Variants in BTN2A1 observed in about 807,000 individuals in gnomAD.
BTN2A1 encodes butyrophilin, subfamily 2, member A1.
A neutral mutation model predicts 34.5 loss-of-function variants in BTN2A1; 41 were observed. The observed-to-expected ratio is 1.19, with a 90% CI of 0.93 to 1.54. BTN2A1 has a LOEUF of 1.54. Among genes scored for constraint, BTN2A1 ranks in the 40% most tolerant of loss-of-function variants. The pLI, the probability that BTN2A1 is intolerant of heterozygous loss-of-function variation, is 0.00. For missense variants in BTN2A1, 642 were observed against 662.0 expected (o/e 0.97, Z 0.33); for synonymous variants, 267 against 258.6 (o/e 1.03, Z -0.31).
exon 8 of BTN2A1, chr6:26,476,343 C>T (rs898190569): frequency 1.6e-5 from 12 of 764,018 alleles, no homozygotes; most frequent in African/African-American, 1.5e-4. Flanking sequence ...GACAGACTCA[C>T]ACCAGTATCT....
In BTN2A1 at chr6:26,468,606, C is replaced by A; in HGVS notation, c.*57C>A. On this transcript the variant is annotated 3_prime_UTR_variant, in exon 8 of 8. Coordinates refer to ENST00000312541, the MANE Select transcript of BTN2A1 (RefSeq NM_007049.5). ...CAAGCCCTGGTCATCTCAGCAGCCA[C>A]CGCACAACACCCCTGGTGGAAGACA... 6.2e-7 allele frequency: 1 copy of A among 1,614,178 alleles called. No individual in the cohort carries two copies. Among genetic ancestry groups the A allele is most frequent in the Non-Finnish European group, 8.5e-7 (1 of 1,180,032 alleles).
At chr6:26,461,736 T>C (rs1763168828) in intron 3 of BTN2A1, among the ~76,000 whole-genome samples, 1 of 151,922 alleles carries the variant, frequency 6.6e-6, no homozygotes, top group South Asian at 2.1e-4. Flanking sequence ...TGAGCTGAGA[T>C]CCTACCATTT....
chr6:26,465,350 C>T lies in BTN2A1; in HGVS notation c.878C>T (p.Ala293Val). Residue 293 changes from alanine (A) to valine (V), a missense_variant, in exon 5 of 8, where the codon GCT becomes GTT. Physicochemically the swap from Ala to Val is moderately conservative, Grantham distance 64. Coordinates refer to ENST00000312541, the MANE Select transcript of BTN2A1 (RefSeq NM_007049.5). ...TTTGAACGGGAAACAAGAGAAATTG[C>T]TCTAAAGGAACTGGAGAAAGAACGT... ...KEFERETREI[A>V]LKELEKERVQ... 6.2e-7 allele frequency: 1 copy of T among 1,614,036 alleles called. No individual in the cohort carries two copies. The highest frequency in any genetic ancestry group is 8.5e-7 in the Non-Finnish European group (1 of 1,180,008).
At chr6:26,466,610 A>C (rs1330377258) in intron 7 of BTN2A1, among the ~76,000 whole-genome samples, 1 of 152,120 alleles carries the variant, frequency 6.6e-6, no homozygotes, top group East Asian at 1.9e-4. Context: ...CTGCCGTGGG[A>C]GGGATTTCAG....
chr6:26,459,564 G>A lies in BTN2A1; in HGVS notation c.166G>A (p.Glu56Lys), dbSNP rs773306990. The change falls in exon 3 of 8, where the codon GAG (glutamate) becomes AAG (lysine). Residue 56 changes from glutamate (E) to lysine (K), a missense_variant. By Grantham distance (56) the Glu-to-Lys change is moderately conservative (BLOSUM62 1). Transcript: ENST00000312541. ...TACGTTACGCTGCCATCTGTCACCC[G>A]AGAAAAATGCTGAGGACATGGAGGT... is the stretch of plus-strand genomic sequence containing the variant. ...NTTLRCHLSP[E>K]KNAEDMEVRW... 8.1e-6 allele frequency: 13 copies of A among 1,613,926 alleles called. No individual in the cohort carries two copies. Among genetic ancestry groups the A allele is most frequent in the South Asian group, 3.3e-5 (3 of 91,086 alleles).
At position 26,468,608 on chromosome 6, in the gene BTN2A1, G is replaced by T. The variant is rs1424145253; in HGVS notation, c.*59G>T. On this transcript the variant is annotated 3_prime_UTR_variant, in exon 8 of 8. Transcript: ENST00000312541. ...AGCCCTGGTCATCTCAGCAGCCACC[G>T]CACAACACCCCTGGTGGAAGACACG... 1.2e-6 allele frequency: 2 copies of T among 1,614,092 alleles called. No individual in the cohort carries two copies. The highest frequency in any genetic ancestry group is 1.7e-6 in the Non-Finnish European group (2 of 1,180,022).
In BTN2A1 at chr6:26,469,487, A is replaced by G. The variant is rs1020970107; in HGVS notation, c.*938A>G. 2 of 245,132 alleles carry G rather than the reference A, an allele frequency of 8.2e-6. No homozygotes were observed. Among genetic ancestry groups the G allele is most frequent in the African/African-American group, 4.6e-5 (2 of 43,068 alleles). The allele number at this position is 245,132 out of a possible 1,614,324, so 15.2% of individuals were successfully genotyped here. ...AATGTTTTAATTTATTACCTTTACA[A>G]CATTTATTTACATTACATACATACA... On this transcript the variant is annotated 3_prime_UTR_variant, in exon 8 of 8. Transcript: ENST00000312541.
intron 7 of BTN2A1, among the ~76,000 whole-genome samples, chr6:26,474,999 G>A (rs2113873113): frequency 1.3e-5 from 2 of 152,246 alleles, no homozygotes; most frequent in Non-Finnish European, 1.5e-5. Context: ...CTGACCTCAA[G>A]TGATCCACCC....
downstream of BTN2A1, among the ~76,000 whole-genome samples, chr6:26,473,868 G>A (rs1023321524): frequency 3.3e-5 from 5 of 152,024 alleles, no homozygotes. Flanking sequence ...ATTCAATATC[G>A]TTTCAGTTTT....
intron 3 of BTN2A1, 70 bp downstream of exon 3, chr6:26,459,898 C>G: frequency 6.8e-7 from 1 of 1,464,182 alleles, no homozygotes; most frequent in African/African-American, 1.4e-5. Context: ...CTCCTAACCT[C>G]AGGCCCATTG....
rs754474063 is a variant in BTN2A1, at chr6:26,458,276, CTT to C, written c.-31+136_-31+137del. The C allele has an allele frequency of 2.3e-4, 56 of 241,764 alleles. 2 individuals are homozygous for C. Among genetic ancestry groups the C allele is most frequent in the East Asian group, 2.0e-3 (17 of 8,652 alleles). The allele number at this position is 241,764 out of a possible 1,614,324, so 15.0% of individuals were successfully genotyped here. On this transcript the variant is annotated intron_variant, in intron 1 of 7. Coordinates refer to ENST00000312541, the MANE Select transcript of BTN2A1 (RefSeq NM_007049.5). Reference sequence around the variant, plus strand: ...GGTGGGGAGGCGCGGCCTCGCCTGTCTTTGCCTCAGGCTGCCCGGCCTGGGTC... The same window carrying C: ...GGTGGGGAGGCGCGGCCTCGCCTGTCTGCCTCAGGCTGCCCGGCCTGGGTC...
Position 26,459,467 on chromosome 6 carries a change from C to G in BTN2A1, c.83-14C>G, listed in dbSNP as rs745803541. ...GCTGGTGTCTTTGTCTGACTCTACC[C>G]CTTTGTTGAACAGCCCAGTTTATTG... On this transcript the variant is annotated splice_polypyrimidine_tract_variant and intron_variant, in intron 2 of 7. Transcript: ENST00000312541. The G allele has an allele frequency of 1.9e-6, 3 of 1,611,306 alleles. No homozygotes were observed. The highest frequency in any genetic ancestry group is 4.5e-5 in the East Asian group (2 of 44,834).
chr6:26,467,644 A>G (rs1351836353), intron 7 of BTN2A1: 11 of 1,437,972 alleles, frequency 7.6e-6, no homozygotes, highest in Non-Finnish European at 8.5e-6. Flanking sequence ...AAAAGGGAAC[A>G]CATCTTAGAA....
At chr6:26,467,454 G>A (rs1012014194) in intron 7 of BTN2A1, among the ~76,000 whole-genome samples, 3 of 152,140 alleles carry the variant, frequency 2.0e-5, no homozygotes, top group African/African-American at 7.2e-5. Context: ...TGGGATTACA[G>A]GTGTGCACCA....
In BTN2A1 at chr6:26,469,315, A is replaced by C; in HGVS notation, c.*766A>C. 2.0e-6 allele frequency: 2 copies of C among 987,970 alleles called. No individual in the cohort carries two copies. The highest frequency in any genetic ancestry group is 2.4e-6 in the Non-Finnish European group (2 of 831,488). 61.2% of individuals were successfully genotyped at this position (987,970 alleles called of 1,614,324 possible). ...ATGGACCAGATCTACCTCAGTATTC[A>C]AGTTCAGTGGGGACACCAGTGGCTT... On this transcript the variant is annotated 3_prime_UTR_variant, in exon 8 of 8. Transcript: ENST00000312541.
chr6:26,470,820 G>A (rs1763436071), downstream of BTN2A1, among the ~76,000 whole-genome samples: 1 of 152,176 alleles, frequency 6.6e-6, no homozygotes, highest in Admixed American at 6.5e-5. Context: ...CCATCAGCTT[G>A]GTTCTGAGGC....
chr6:26,469,058 G>T lies in BTN2A1; in HGVS notation c.*509G>T. 1.7e-6 allele frequency: 2 copies of T among 1,152,260 alleles called. No individual in the cohort carries two copies. The highest frequency in any genetic ancestry group is 2.2e-6 in the Non-Finnish European group (2 of 923,758). The allele number at this position is 1,152,260 out of a possible 1,614,324, so 71.4% of individuals were successfully genotyped here. A position where few individuals can be genotyped will look rare whatever the true frequency, so the allele number is the denominator to read the frequency against. On this transcript the variant is annotated 3_prime_UTR_variant, in exon 8 of 8. Transcript: ENST00000312541. ...GGGAGGGACCAAGGTTGTAAGGGTG[G>T]CTAAGTCCCACCATAACAGCTAAGG...
downstream of BTN2A1, among the ~76,000 whole-genome samples, chr6:26,470,489 G>A (rs1763430610): frequency 6.6e-6 from 1 of 151,926 alleles, no homozygotes; most frequent in African/African-American, 2.4e-5. Flanking sequence ...ACTTGATTGG[G>A]TTAAGGAATA....
At chr6:26,476,287 GC>G in exon 8 of BTN2A1, 2 of 993,332 alleles carry the variant, frequency 2.0e-6, no homozygotes, top group Non-Finnish European at 3.1e-6. Flanking sequence ...GGTCTGTAGA[GC>G]CCATCGCTCT....
Sources: allele counts gnomAD v4.1 joint callset (sites outside exome capture counted in the v4.1 genomes callset), GRCh38; gene constraint gnomAD v4.1.1; transcripts MANE v1.5; gene names NCBI Gene and HGNC (gene_info 2026-07-23, HGNC 2026-07-21).